The following PIM1 variants were observed in gnomAD, a reference collection of about 807,000 sequenced individuals.
PIM1 encodes serine/threonine-protein kinase pim-1.
In PIM1, 9 loss-of-function variants were observed where a neutral mutation model predicts 34.5. The ratio of observed to expected loss-of-function variants is 0.26; its 90% CI spans 0.16 to 0.46. The LOEUF is 0.46. Among genes scored for constraint, PIM1 ranks in the 20% least tolerant of loss-of-function variants. The probability of loss-of-function intolerance (pLI) is 1.00; values close to 1 mark genes in which losing one functional copy is unlikely to be tolerated. For synonymous variants in PIM1, 199 were observed against 175.2 expected (o/e 1.14, Z -1.07); for missense variants, 274 against 410.9 (o/e 0.67, Z 2.88).
rs559365974 is a variant in PIM1 at position 37,174,179 on chromosome 6, C to A, written c.*88C>A. Reference sequence around the variant, plus strand: ...TCCAGCTTCCCGAGTACCAGTGACACGTCTCGCCAAGCAGGACAGTGCTTG... The same window carrying A: ...TCCAGCTTCCCGAGTACCAGTGACAAGTCTCGCCAAGCAGGACAGTGCTTG... On this transcript the variant is annotated 3_prime_UTR_variant, in exon 6 of 6. Coordinates refer to ENST00000373509, the MANE Select transcript of PIM1 (RefSeq NM_002648.4). 21 of 1,303,328 alleles carry A rather than the reference C, an allele frequency of 1.6e-5. 1 individual carries two copies. The South Asian group carries it at 2.2e-4, about 14-fold the overall frequency. The allele number at this position is 1,303,328 out of a possible 1,614,324, so 80.7% of individuals were successfully genotyped here.
At chr6:37,173,829 C>T in intron 5 of PIM1, 105 bp from the exon 6 acceptor site, 1 of 1,062,956 alleles carries the variant, frequency 9.4e-7, no homozygotes, top group Non-Finnish European at 1.4e-6. Flanking sequence ...CTTGGCCTCC[C>T]TGGGACCCCA....
chr6:37,171,524 G>A, intron 4 of PIM1, 33 bp downstream of exon 4: 1 of 1,604,996 alleles, frequency 6.2e-7, no homozygotes, highest in Non-Finnish European at 8.5e-7. Context: ...CTGCCCAGGT[G>A]ACTCGGCCCG....
intron 4 of PIM1, 63 bp from the exon 5 acceptor site, chr6:37,172,933 C>A: frequency 1.4e-6 from 2 of 1,415,420 alleles, no homozygotes; most frequent in Non-Finnish European, 9.9e-7. Context: ...TATATACCAC[C>A]CAGCTTCTTT....
rs746566492 is a variant in PIM1 at position 37,171,028 on chromosome 6, G to A, written c.237G>A (p.Glu79=). The change falls in exon 3 of 6, where the codon GAG becomes GAA. Residue 79 remains glutamate (E), a synonymous_variant. Coordinates refer to ENST00000373509, the MANE Select transcript of PIM1 (RefSeq NM_002648.4). Reference sequence around the variant, plus strand: ...AGGACCGGATTTCCGACTGGGGAGAGCTGGTGAGTGCCCTGCAGGAGCGAC... The same window carrying A: ...AGGACCGGATTTCCGACTGGGGAGAACTGGTGAGTGCCCTGCAGGAGCGAC... ...VEKDRISDWG[E]LPNGTRVPME... 3 of 1,614,082 alleles carry A rather than the reference G, an allele frequency of 1.9e-6. No individual in the cohort carries two copies. The highest frequency in any genetic ancestry group is 2.5e-6 in the Non-Finnish European group (3 of 1,180,004).
At chr6:37,171,953 A>T (rs1362419770) in intron 4 of PIM1, among the ~76,000 whole-genome samples, 1 of 151,952 alleles carries the variant, frequency 6.6e-6, no homozygotes, top group Non-Finnish European at 1.5e-5. Context: ...GGGAAGGTTA[A>T]GGAATAGGAA....
At position 37,170,667 on chromosome 6, in the gene PIM1, C is replaced by G. The variant is rs559784709; in HGVS notation, c.82+10C>G. 6.2e-7 allele frequency: 1 copy of G among 1,608,820 alleles called. No homozygotes were observed. Among genetic ancestry groups the G allele is most frequent in the Non-Finnish European group, 8.5e-7 (1 of 1,178,118 alleles). On this transcript the variant is annotated intron_variant, in intron 1 of 5. Transcript: ENST00000373509. Reference sequence around the variant, plus strand: ...ACCAAGCTGGCGCCCGGTGAGAGCACCCCCCGCCTCCGGCCCGGGGATGCG... The same window carrying G: ...ACCAAGCTGGCGCCCGGTGAGAGCAGCCCCCGCCTCCGGCCCGGGGATGCG...
Position 37,174,173 on chromosome 6 carries a change from G to C in PIM1, c.*82G>C. 7.4e-7 allele frequency: 1 copy of C among 1,357,628 alleles called. No homozygotes were observed. The highest frequency in any genetic ancestry group is 1.0e-6 in the Non-Finnish European group (1 of 981,988). 84.1% of individuals were successfully genotyped at this position (1,357,628 alleles called of 1,614,324 possible). A position where few individuals can be genotyped will look rare whatever the true frequency, so the allele number is the denominator to read the frequency against. ...TCTGTCTCCAGCTTCCCGAGTACCA[G>C]TGACACGTCTCGCCAAGCAGGACAG... On this transcript the variant is annotated 3_prime_UTR_variant, in exon 6 of 6. Transcript: ENST00000373509.
rs1184805609 is a variant in PIM1 at position 37,170,804 on chromosome 6, C to T, written c.114C>T (p.Tyr38=). ...AGAAGGAGCCCCTGGAGTCGCAGTA[C>T]CAGGTGGGCCCGCTACTGGGCAGCG... ...GKEKEPLESQ[Y]QVGPLLGSGG... Residue 38 remains tyrosine (Y), a synonymous_variant, in exon 2 of 6, where the codon TAC becomes TAT. Coordinates refer to ENST00000373509, the MANE Select transcript of PIM1 (RefSeq NM_002648.4). 3 of 1,612,962 alleles carry T rather than the reference C, an allele frequency of 1.9e-6. No homozygotes were observed. Among genetic ancestry groups the T allele is most frequent in the Admixed American group, 1.7e-5 (1 of 60,010 alleles).
intron 4 of PIM1, 30 bp downstream of exon 4, chr6:37,171,521 G>C: frequency 1.2e-6 from 2 of 1,606,592 alleles, no homozygotes; most frequent in South Asian, 2.2e-5. Flanking sequence ...GAGCTGCCCA[G>C]GTGACTCGGC....
chr6:37,170,867 C>G lies in PIM1; in HGVS notation c.177C>G (p.Ser59=), dbSNP rs1476504184. 1.2e-6 allele frequency: 2 copies of G among 1,612,586 alleles called. No homozygotes were observed. Among genetic ancestry groups the G allele is most frequent in the East Asian group, 2.2e-5 (1 of 44,836 alleles). ...CGGTCTACTCAGGCATCCGCGTCTC[C>G]GACAACTTGCCGGTGAGTGGGCGCC... ...FGSVYSGIRV[S]DNLPVAIKHV... is the part of the protein sequence containing the mutation. Residue 59 remains serine (S), a synonymous_variant, in exon 2 of 6, where the codon TCC becomes TCG. Transcript: ENST00000373509.
chr6:37,173,263 C>T, intron 5 of PIM1, 91 bp downstream of exon 5: 2 of 1,139,572 alleles, frequency 1.8e-6, no homozygotes, highest in South Asian at 1.4e-5. Flanking sequence ...TGGAGAGCTT[C>T]ACTCTCCAGT....
At position 37,174,190 on chromosome 6, in the gene PIM1, G is replaced by A; in HGVS notation, c.*99G>A. ...GAGTACCAGTGACACGTCTCGCCAA[G>A]CAGGACAGTGCTTGATACAGGAACA... On this transcript the variant is annotated 3_prime_UTR_variant, in exon 6 of 6. Transcript: ENST00000373509. The A allele has an allele frequency of 2.6e-6, 3 of 1,154,572 alleles. No homozygotes were observed. The highest frequency in any genetic ancestry group is 3.7e-6 in the Non-Finnish European group (3 of 813,666). The allele number at this position is 1,154,572 out of a possible 1,614,324, so 71.5% of individuals were successfully genotyped here. A position where few individuals can be genotyped will look rare whatever the true frequency, so the allele number is the denominator to read the frequency against.
In PIM1 at chr6:37,173,149, T is replaced by A. The variant is rs1487749896; in HGVS notation, c.761T>A (p.Phe254Tyr). ...HDEEIIRGQV[F>Y]FRQRVSSECQ... ...GAAGAGATCATCAGGGGCCAGGTTT[T>A]CTTCAGGCAGAGGGTCTCTTCAGGT... Residue 254 changes from phenylalanine to tyrosine, a missense_variant, in exon 5 of 6, where the codon TTC becomes TAC. Physicochemically the swap from Phe to Tyr is conservative, Grantham distance 22 (BLOSUM62 3). Transcript: ENST00000373509. The A allele has an allele frequency of 6.2e-7, 1 of 1,614,198 alleles. No individual in the cohort carries two copies. Among genetic ancestry groups the A allele is most frequent in the South Asian group, 1.1e-5 (1 of 91,076 alleles).
intron 4 of PIM1, chr6:37,172,607 G>A: frequency 2.2e-6 from 1 of 459,910 alleles, no homozygotes; most frequent in South Asian, 1.5e-5. Context: ...GGGCTCCTGG[G>A]CAGTGGTGAA....
At position 37,171,242 on chromosome 6, in the gene PIM1, C is replaced by T. The variant is rs777565427; in HGVS notation, c.358C>T (p.Leu120=). ...GAGGCCCGACAGTTTCGTCCTGATC[C>T]TGGAGAGGCCCGAGCCGGTGCAAGA... ...FERPDSFVLI[L]ERPEPVQDLF... The change falls in exon 4 of 6, where the codon CTG becomes TTG. Residue 120 remains leucine, a synonymous_variant. Coordinates refer to ENST00000373509, the MANE Select transcript of PIM1 (RefSeq NM_002648.4). 6.2e-7 allele frequency: 1 copy of T among 1,614,040 alleles called. No individual in the cohort carries two copies. Among genetic ancestry groups the T allele is most frequent in the East Asian group, 2.2e-5 (1 of 44,882 alleles).
Position 37,174,186 on chromosome 6 carries a change from C to A in PIM1, c.*95C>A, listed in dbSNP as rs12197850. Reference sequence around the variant, plus strand: ...TCCCGAGTACCAGTGACACGTCTCGCCAAGCAGGACAGTGCTTGATACAGG... The same window carrying A: ...TCCCGAGTACCAGTGACACGTCTCGACAAGCAGGACAGTGCTTGATACAGG... On this transcript the variant is annotated 3_prime_UTR_variant, in exon 6 of 6. Transcript: ENST00000373509. The A allele has an allele frequency of 0.043, 51,889 of 1,220,880 alleles. 1,322 individuals are homozygous for A. Among genetic ancestry groups the A allele is most frequent in the Middle Eastern group, 0.078 (280 of 3,596 alleles). The allele number at this position is 1,220,880 out of a possible 1,614,324, so 75.6% of individuals were successfully genotyped here. A position where few individuals can be genotyped will look rare whatever the true frequency, so the allele number is the denominator to read the frequency against.
In PIM1 at chr6:37,170,455, C is replaced by A; in HGVS notation, c.-121C>A. On this transcript the variant is annotated 5_prime_UTR_variant, in exon 1 of 6. Coordinates refer to ENST00000373509, the MANE Select transcript of PIM1 (RefSeq NM_002648.4). ...GCGCCAGCCGCAGCCACAGCCGCAA[C>A]GCCACCCGCAGCCACAGCCACAGCC... 6.4e-7 allele frequency: 1 copy of A among 1,551,098 alleles called. No individual in the cohort carries two copies.
rs1226962732 is a variant in PIM1 at position 37,174,374 on chromosome 6, T to TG, written c.*289dup. ...GCTGGACTCTGAAATATCCCGGGGGTGGGGGGTGGGGGTGGGTCAGAACCC... is the reference window on the plus strand; with the variant it reads ...GCTGGACTCTGAAATATCCCGGGGGTGGGGGGGTGGGGGTGGGTCAGAACCC... On this transcript the variant is annotated 3_prime_UTR_variant, in exon 6 of 6. Coordinates refer to ENST00000373509, the MANE Select transcript of PIM1 (RefSeq NM_002648.4). The TG allele has an allele frequency of 4.2e-5, 3 of 72,286 alleles. No homozygotes were observed. Among genetic ancestry groups the TG allele is most frequent in the Non-Finnish European group, 7.6e-5 (3 of 39,244 alleles). 4.5% of individuals were successfully genotyped at this position (72,286 alleles called of 1,614,324 possible). A position where few individuals can be genotyped will look rare whatever the true frequency, so the allele number is the denominator to read the frequency against.
intron 5 of PIM1, 138 bp from the exon 6 acceptor site, chr6:37,173,796 C>G: frequency 7.5e-6 from 5 of 670,602 alleles, no homozygotes; most frequent in Non-Finnish European, 1.3e-5. Context: ...TGAAGGGTAC[C>G]CAGCACAGTG....
Sources: gnomAD v4.1 joint callset for allele counts (sites outside exome capture counted in the v4.1 genomes callset) on GRCh38, gnomAD v4.1.1 for gene constraint, MANE v1.5 for transcripts, NCBI Gene and HGNC (gene_info 2026-07-23, HGNC 2026-07-21) for gene names.